The following SPATA22 variants were observed in gnomAD, a reference collection of about 807,000 sequenced individuals.
SPATA22 encodes spermatogenesis-associated protein 22.
A neutral mutation model predicts 47.8 loss-of-function variants in SPATA22; 29 were observed. The observed-to-expected ratio is 0.61, with a 90% CI of 0.45 to 0.83. The LOEUF is 0.83. Ranked by LOEUF, SPATA22 falls within the 40% of genes least tolerant of loss-of-function variation. The probability of loss-of-function intolerance (pLI) is 0.00; values close to 1 mark genes in which losing one functional copy is unlikely to be tolerated. For synonymous variants in SPATA22, 133 were observed against 140.9 expected (o/e 0.94, Z 0.40); for missense variants, 410 against 421.7 (o/e 0.97, Z 0.24).
Position 3,487,870 on chromosome 17 carries a change from T to C in SPATA22, c.-73-18472A>G, listed in dbSNP as rs139536899. Among the ~76,000 whole-genome samples, 552 of 152,312 alleles carry C rather than the reference T, an allele frequency of 3.6e-3. 5 individuals carry two copies. The highest frequency in any genetic ancestry group is 0.012 in the African/African-American group (504 of 41,566). On this transcript the variant is annotated intron_variant, in intron 1 of 8. Transcript: ENST00000541913. Reference sequence around the variant, plus strand: ...GGTAGGCAAACGACAATGTATTCTATAGTATTCCTACAGACATATCTACAA... The same window carrying C: ...GGTAGGCAAACGACAATGTATTCTACAGTATTCCTACAGACATATCTACAA...
Position 3,498,913 on chromosome 17 carries a change from A to G in SPATA22, c.-74+14499T>C, listed in dbSNP as rs2073954194. On this transcript the variant is annotated intron_variant, in intron 1 of 8. Coordinates refer to the SPATA22 transcript ENST00000541913. Reference sequence around the variant, plus strand: ...GAGGATCAAGACTGGAAACCACTGCATCCTGGGGATCCCATGTTTTTAACT... The same window carrying G: ...GAGGATCAAGACTGGAAACCACTGCGTCCTGGGGATCCCATGTTTTTAACT... 2 of 1,605,644 alleles carry G rather than the reference A, an allele frequency of 1.2e-6. No homozygotes were observed. Among genetic ancestry groups the G allele is most frequent in the Admixed American group, 3.4e-5 (2 of 59,044 alleles).
At chr17:3,441,695 T>C (rs2072601441) in intron 8 of SPATA22, 1 of 151,936 alleles carries the variant, frequency 6.6e-6, no homozygotes, top group African/African-American at 2.4e-5. Context: ...ATAAGAGACA[T>C]AGATAAGAAT....
At chr17:3,511,667 T>C (rs1426165973) in intron 1 of SPATA22, 1 of 152,174 alleles carries the variant, frequency 6.6e-6, no homozygotes, top group East Asian at 1.9e-4. Flanking sequence ...AGACAGCAGA[T>C]CACCAAAACA....
Position 3,443,231 on chromosome 17 carries a change from C to T in SPATA22, c.843G>A (p.Ser281=), listed in dbSNP as rs770789147. The part of the protein sequence containing the change: ...DSAVTPGPYY[S]KTFLMRDGKN... The stretch of plus-strand genomic sequence containing the variant: ...TCCCATCCCTCATAAGAAAAGTCTT[C>T]GAATAATATGGGCCAGGTGTAACAG... The change falls in exon 8 of 9, where the codon TCG becomes TCA. Residue 281 remains serine (S), a synonymous_variant. Coordinates refer to ENST00000572969, the MANE Select transcript of SPATA22 (RefSeq NM_001170698.2). The T allele has an allele frequency of 8.1e-6, 13 of 1,610,036 alleles. No homozygotes were observed. Among genetic ancestry groups the T allele is most frequent in the East Asian group, 6.7e-5 (3 of 44,664 alleles).
intron 1 of SPATA22, among the ~76,000 whole-genome samples, chr17:3,505,730 G>A (rs1410925417): frequency 3.9e-5 from 4 of 101,854 alleles, no homozygotes; most frequent in African/African-American, 1.1e-4. Flanking sequence ...GCTGCTTAGG[G>A]GTTTTTTGTT....
intron 5 of SPATA22, among the ~76,000 whole-genome samples, chr17:3,457,671 G>A (rs2073028758): frequency 6.6e-6 from 1 of 152,098 alleles, no homozygotes; most frequent in Non-Finnish European, 1.5e-5. Context: ...ATAAACCCAT[G>A]CATTTACATT....
chr17:3,494,311 GT>G, intron 1 of SPATA22: 1 of 1,500,046 alleles, frequency 6.7e-7, no homozygotes, highest in Non-Finnish European at 9.3e-7. Flanking sequence ...GCCCAGAGAT[GT>G]TTTTAGTTGC....
upstream of SPATA22, among the ~76,000 whole-genome samples, chr17:3,473,655 C>T (rs774717048): frequency 6.6e-6 from 1 of 152,130 alleles, no homozygotes; most frequent in Non-Finnish European, 1.5e-5. Flanking sequence ...CCCGCCACCA[C>T]GCCCAGGTAA....
chr17:3,494,702 G>C (rs1030217365), intron 1 of SPATA22, among the ~76,000 whole-genome samples: 6 of 152,118 alleles, frequency 3.9e-5, no homozygotes, highest in African/African-American at 1.2e-4. Flanking sequence ...TATAGTGTAG[G>C]TACACAAAAG....
In SPATA22 at chr17:3,464,220, G is replaced by A. The variant is rs545796064; in HGVS notation, c.173-1453C>T. Among the ~76,000 whole-genome samples the A allele has an allele frequency of 4.6e-3, 695 of 152,140 alleles. 4 individuals carry two copies. Among genetic ancestry groups the A allele is most frequent in the Non-Finnish European group, 7.3e-3 (499 of 67,964 alleles). ...TGGTCTCCAGCTCCTAACCGCGAGTGATCCGCCAGCCTCGGCCTCCGGAGG... is the reference window on the plus strand; with the variant it reads ...TGGTCTCCAGCTCCTAACCGCGAGTAATCCGCCAGCCTCGGCCTCCGGAGG... On this transcript the variant is annotated intron_variant, in intron 3 of 8. Transcript: ENST00000572969.
intron 7 of SPATA22, among the ~76,000 whole-genome samples, 196 bp downstream of exon 7, chr17:3,446,276 G>C (rs1418073355): frequency 6.6e-6 from 1 of 152,020 alleles, no homozygotes; most frequent in Admixed American, 6.6e-5. Flanking sequence ...CATTATTCTG[G>C]TAATTAGAAT....
At chr17:3,444,071 T>C (rs1352891828) in intron 7 of SPATA22, among the ~76,000 whole-genome samples, 1 of 152,024 alleles carries the variant, frequency 6.6e-6, no homozygotes, top group Non-Finnish European at 1.5e-5. Flanking sequence ...TTCAAATCTG[T>C]TTCTTCACCT....
intron 1 of SPATA22, among the ~76,000 whole-genome samples, chr17:3,487,334 A>G (rs1303992823): frequency 1.3e-5 from 2 of 152,216 alleles, no homozygotes; most frequent in African/African-American, 2.4e-5. Context: ...AAATATTCCA[A>G]ATAAAACAGC....
chr17:3,509,218 G>A (rs2074079764), intron 1 of SPATA22, among the ~76,000 whole-genome samples: 1 of 151,986 alleles, frequency 6.6e-6, no homozygotes, highest in Non-Finnish European at 1.5e-5. Flanking sequence ...AAAAAAGGGG[G>A]GGATACAGGT....
At chr17:3,474,164 C>CA (rs1347994726), upstream of SPATA22, 1 of 152,024 alleles carries the variant, frequency 6.6e-6, no homozygotes, top group African/African-American at 2.4e-5. Flanking sequence ...ACTCTGTACA[C>CA]AAAAAACAAG....
At chr17:3,477,599 C>G (rs918290844) in intron 1 of SPATA22, among the ~76,000 whole-genome samples, 17 of 152,086 alleles carry the variant, frequency 1.1e-4, no homozygotes, top group African/African-American at 3.9e-4. Context: ...ATTACAGGCA[C>G]TTGCCACCAT....
chr17:3,486,086 C>T (rs563825050), intron 1 of SPATA22, among the ~76,000 whole-genome samples: 3 of 152,228 alleles, frequency 2.0e-5, no homozygotes, highest in African/African-American at 4.8e-5. Flanking sequence ...GTGCCCACCA[C>T]CATACCCAGC....
At chr17:3,462,659 T>A (rs1567600947) in intron 4 of SPATA22, 48 bp downstream of exon 4, 1 of 1,574,174 alleles carries the variant, frequency 6.4e-7, no homozygotes, top group Non-Finnish European at 8.7e-7. Context: ...AAGAACAACA[T>A]CAGTTAGTAA....
At position 3,496,927 on chromosome 17, in the gene SPATA22, A is replaced by G. The variant is rs374500111; in HGVS notation, c.-74+16485T>C. On this transcript the variant is annotated intron_variant, in intron 1 of 8. Coordinates refer to the SPATA22 transcript ENST00000541913. ...CAAAAATACAAAAAATTAGCCGGGCATGGTGGCAGGCGCCTGTAATCCCAG... is the reference window on the plus strand; with the variant it reads ...CAAAAATACAAAAAATTAGCCGGGCGTGGTGGCAGGCGCCTGTAATCCCAG... Among the ~76,000 whole-genome samples the G allele has an allele frequency of 8.9e-4, 135 of 152,174 alleles. 1 individual carries two copies. The highest frequency in any genetic ancestry group is 4.6e-3 in the Admixed American group (70 of 15,272).
Sources: allele counts gnomAD v4.1 joint callset (sites outside exome capture counted in the v4.1 genomes callset), GRCh38; gene constraint gnomAD v4.1.1; transcripts MANE v1.5; gene names NCBI Gene and HGNC (gene_info 2026-07-23, HGNC 2026-07-21).